ACP7: variants seen among roughly 807,000 people sequenced by gnomAD.
ACP7 encodes acid phosphatase type 7.
In ACP7, 58 loss-of-function variants were observed where a neutral mutation model predicts 60.6. That is an observed-to-expected ratio of 0.96 (90% CI 0.77 to 1.19). The LOEUF is 1.19. Ranked by LOEUF, ACP7 falls within the 50% of genes most tolerant of loss-of-function variation. The pLI is 0.00. For missense variants in ACP7, 574 were observed against 596.2 expected (o/e 0.96, Z 0.39); for synonymous variants, 237 against 232.6 (o/e 1.02, Z -0.17).
chr19:39,109,110 C>T (rs1019357847), intron 12 of ACP7, among the ~76,000 whole-genome samples: 2 of 152,180 alleles, frequency 1.3e-5, no homozygotes, highest in Admixed American at 6.6e-5. Context: ...GCATGAGCCA[C>T]CGCATGCGGC....
At position 39,098,493 on chromosome 19, in the gene ACP7, TGGGTCCCAACCCGCTCTGAAGTG is replaced by T; in HGVS notation, c.158_180del (p.Trp53SerfsTer85). The stretch of plus-strand genomic sequence containing the variant: ...CTCCATGACTGTAACTTGGACCACA[TGGGTCCCAACCCGCTCTGAAGTG>T]CAATTCGGGTTGCAGCCGTCGGGGC... On this transcript the variant is annotated frameshift_variant, in exon 3 of 13. Coordinates refer to ENST00000331256, the MANE Select transcript of ACP7 (RefSeq NM_001004318.3). LOFTEE classifies it high-confidence loss of function. 1.3e-6 allele frequency: 2 copies of T among 1,581,284 alleles called. No homozygotes were observed. Among genetic ancestry groups the T allele is most frequent in the Non-Finnish European group, 1.7e-6 (2 of 1,162,106 alleles).
chr19:39,093,428 A>G (rs887152564), intron 2 of ACP7, among the ~76,000 whole-genome samples: 8 of 151,670 alleles, frequency 5.3e-5, no homozygotes, highest in Non-Finnish European at 8.8e-5. Flanking sequence ...TAATTTTTAT[A>G]GTTTTAGTAG....
intron 2 of ACP7, among the ~76,000 whole-genome samples, chr19:39,097,834 G>A (rs1472360564): frequency 2.0e-5 from 3 of 151,982 alleles, no homozygotes; most frequent in Non-Finnish European, 2.9e-5. Context: ...ACTGTTTCAC[G>A]TGCTTTATTT....
intron 2 of ACP7, among the ~76,000 whole-genome samples, chr19:39,090,269 A>G (rs1419503168): frequency 1.3e-5 from 2 of 151,824 alleles, no homozygotes; most frequent in African/African-American, 4.8e-5. Context: ...CCCAGGTTCA[A>G]GCAATTCTTC....
At chr19:39,087,434 C>T (rs532078154) in intron 2 of ACP7, among the ~76,000 whole-genome samples, 2 of 152,118 alleles carry the variant, frequency 1.3e-5, no homozygotes, top group African/African-American at 4.8e-5. Flanking sequence ...TGTTCTTGCA[C>T]AGACATGTGG....
At chr19:39,109,987 A>G (rs569139679) in intron 12 of ACP7, 66 bp from the exon 13 acceptor site, 21 of 1,521,702 alleles carry the variant, frequency 1.4e-5, no homozygotes, top group South Asian at 5.8e-5. Context: ...ACTGGAACCC[A>G]GGCCATGTGG....
intron 11 of ACP7, among the ~76,000 whole-genome samples, chr19:39,102,999 G>A (rs1007671992): frequency 5.9e-5 from 9 of 151,666 alleles, no homozygotes; most frequent in Admixed American, 2.0e-4. Context: ...CCCCATGCCC[G>A]GTTAAGTTTT....
chr19:39,097,534 C>T (rs989113346), intron 2 of ACP7, among the ~76,000 whole-genome samples: 1 of 150,924 alleles, frequency 6.6e-6, no homozygotes, highest in African/African-American at 2.4e-5. Flanking sequence ...ACTGCACCTC[C>T]AGCCTGGGCA....
intron 2 of ACP7, among the ~76,000 whole-genome samples, chr19:39,086,155 C>T (rs1228338346): frequency 6.6e-6 from 1 of 151,980 alleles, no homozygotes; most frequent in Non-Finnish European, 1.5e-5. Context: ...GAGACCTCTG[C>T]CTCTTAGGGA....
intron 11 of ACP7, among the ~76,000 whole-genome samples, chr19:39,105,141 G>A (rs939820063): frequency 2.0e-5 from 3 of 151,574 alleles, no homozygotes; most frequent in Admixed American, 6.6e-5. Flanking sequence ...TCAGCCTCCT[G>A]AGTAGCTGGG....
chr19:39,108,019 C>T (rs954929894), intron 12 of ACP7, among the ~76,000 whole-genome samples: 1 of 152,120 alleles, frequency 6.6e-6, no homozygotes, highest in Non-Finnish European at 1.5e-5. Context: ...CCTCTGTACT[C>T]CAGCCTTGGC....
intron 2 of ACP7, among the ~76,000 whole-genome samples, chr19:39,087,788 C>T (rs2073161496): frequency 6.6e-6 from 1 of 152,094 alleles, no homozygotes; most frequent in Non-Finnish European, 1.5e-5. Context: ...CATGCACCAC[C>T]ACACCTGGCT....
At chr19:39,103,413 A>G (rs897061230) in intron 11 of ACP7, among the ~76,000 whole-genome samples, 3 of 135,974 alleles carry the variant, frequency 2.2e-5, no homozygotes, top group African/African-American at 8.6e-5. Context: ...ATTCTCTGGC[A>G]CTTCAAAACA....
At chr19:39,097,226 C>T (rs1243552082) in intron 2 of ACP7, among the ~76,000 whole-genome samples, 3 of 152,058 alleles carry the variant, frequency 2.0e-5, no homozygotes, top group Non-Finnish European at 2.9e-5. Flanking sequence ...ATGGGGGAAA[C>T]CACCACCTTG....
rs940687776 is a variant in ACP7, at chr19:39,100,944, C to T, written c.808-5C>T. 6.2e-7 allele frequency: 1 copy of T among 1,613,128 alleles called. No homozygotes were observed. Among genetic ancestry groups the T allele is most frequent in the African/African-American group, 1.3e-5 (1 of 74,964 alleles). On this transcript the variant is annotated splice_region_variant and splice_polypyrimidine_tract_variant and intron_variant, in intron 7 of 12. Coordinates refer to ENST00000331256, the MANE Select transcript of ACP7 (RefSeq NM_001004318.3). The stretch of plus-strand genomic sequence containing the variant: ...TAGCCCCTCACCCTGGGCCCTTCTC[C>T]CTAGAAAGCCAATAAGAACCGGGCA...
chr19:39,086,500 C>T (rs2073142583), intron 2 of ACP7, among the ~76,000 whole-genome samples: 1 of 149,712 alleles, frequency 6.7e-6, no homozygotes, highest in Non-Finnish European at 1.5e-5. Flanking sequence ...GGCATGGTGG[C>T]TCACGCCTGG....
intron 2 of ACP7, among the ~76,000 whole-genome samples, 194 bp from the exon 3 acceptor site, chr19:39,098,253 CAAAAAAAAAAA>C (rs59373149): frequency 3.1e-5 from 2 of 64,970 alleles, no homozygotes; most frequent in East Asian, 4.4e-4. Flanking sequence ...GACCCTGACT[CAAAAAAAAAAA>C]AAAAAAAAAA....
chr19:39,107,590 A>G (rs1247005013), intron 12 of ACP7, among the ~76,000 whole-genome samples: 1 of 150,890 alleles, frequency 6.6e-6, no homozygotes, highest in African/African-American at 2.4e-5. Context: ...AAAAAAAAAA[A>G]AAAAAAAAAA....
intron 11 of ACP7, among the ~76,000 whole-genome samples, chr19:39,103,925 G>T (rs1045718246): frequency 6.6e-6 from 1 of 151,506 alleles, no homozygotes; most frequent in Non-Finnish European, 1.5e-5. Flanking sequence ...GCCTTCCAAA[G>T]CTGCTTCTTA....
Sources: gnomAD v4.1 joint callset for allele counts (sites outside exome capture counted in the v4.1 genomes callset) on GRCh38, gnomAD v4.1.1 for gene constraint, MANE v1.5 for transcripts, NCBI Gene and HGNC (gene_info 2026-07-23, HGNC 2026-07-21) for gene names.